KCNQ1OT1: variants seen among roughly 807,000 people sequenced by gnomAD.
The protein encoded by KCNQ1OT1 is KCNQ1 opposite strand/antisense transcript 1.
exon 1 of KCNQ1OT1, chr11:2,609,898 A>G (rs1848950373): frequency 2.5e-6 from 1 of 397,906 alleles, no homozygotes; most frequent in Admixed American, 4.4e-5. Flanking sequence ...TTCAGTTGGC[A>G]TTTATCATCT....
In KCNQ1OT1 at chr11:2,699,266, C is replaced by T. The variant is rs375478373; in HGVS notation, n.729G>A. The T allele has an allele frequency of 8.5e-5, 34 of 398,850 alleles. 1 individual carries two copies. Among genetic ancestry groups the T allele is most frequent in the African/African-American group, 5.1e-4 (25 of 48,772 alleles). The allele number at this position is 398,850 out of a possible 1,614,324, so 24.7% of individuals were successfully genotyped here. ...ATAAGGTGCAGATGGGAGCGCACTGCCCAGGCCAGGCTGCACTGCTGACGC... is the reference window on the plus strand; with the variant it reads ...ATAAGGTGCAGATGGGAGCGCACTGTCCAGGCCAGGCTGCACTGCTGACGC... On this transcript the variant is annotated non_coding_transcript_exon_variant, in exon 1 of 1. Transcript: ENST00000597346.
chr11:2,669,119 G>T lies in KCNQ1OT1; in HGVS notation n.30876C>A. ...CAGCTCACTGGCTACGTGTGGCTCT[G>T]TTTCTGGACCCTATTGGGTGCCACT... On this transcript the variant is annotated non_coding_transcript_exon_variant, in exon 1 of 1. Coordinates refer to ENST00000597346, the Ensembl canonical transcript of KCNQ1OT1. This position sits in a 1 kb window ranked among gnomAD's most constrained non-coding sequence, Gnocchi z 5.6. 4 of 398,708 alleles carry T rather than the reference G, an allele frequency of 1.0e-5. No individual in the cohort carries two copies. Among genetic ancestry groups the T allele is most frequent in the Non-Finnish European group, 1.8e-5 (4 of 226,126 alleles). The allele number at this position is 398,708 out of a possible 1,614,324, so 24.7% of individuals were successfully genotyped here.
At chr11:2,685,071 T>C (rs999086743) in exon 1 of KCNQ1OT1, 4 of 398,630 alleles carry the variant, frequency 1.0e-5, no homozygotes, top group Non-Finnish European at 1.8e-5. Flanking sequence ...GGACAGCCTG[T>C]GAGAATTACA....
chr11:2,624,517 C>T lies in KCNQ1OT1; in HGVS notation n.75478G>A, dbSNP rs1589988366. 1 of 398,420 alleles carries T rather than the reference C, an allele frequency of 2.5e-6. No homozygotes were observed. Among genetic ancestry groups the T allele is most frequent in the African/African-American group, 2.1e-5 (1 of 48,722 alleles). The allele number at this position is 398,420 out of a possible 1,614,324, so 24.7% of individuals were successfully genotyped here. A position where few individuals can be genotyped will look rare whatever the true frequency, so the allele number is the denominator to read the frequency against. On this transcript the variant is annotated non_coding_transcript_exon_variant, in exon 1 of 1. Coordinates refer to ENST00000597346, the Ensembl canonical transcript of KCNQ1OT1. The surrounding 1 kb of genome is among the most constrained non-coding windows in gnomAD (Gnocchi z 4.9). ...AACTAAAGATCATCTAGATTTCTTCCTATGTTATCTTCTGGGATTTCTATT... is the reference window on the plus strand; with the variant it reads ...AACTAAAGATCATCTAGATTTCTTCTTATGTTATCTTCTGGGATTTCTATT...
chr11:2,685,121 T>C (rs231354), exon 1 of KCNQ1OT1: 237,068 of 398,494 alleles, frequency 0.59, 74,783 homozygotes, highest in East Asian at 0.9. Context: ...GGGGGTCTGA[T>C]GGTCAGAGCT....
chr11:2,687,510 C>T lies in KCNQ1OT1; in HGVS notation n.12485G>A. ...ATCCCAGGCACCCTAGGACTTGAGA[C>T]CAGCCTCCTCTGTATGGTCCCTTCC... On this transcript the variant is annotated non_coding_transcript_exon_variant, in exon 1 of 1. Coordinates refer to ENST00000597346, the Ensembl canonical transcript of KCNQ1OT1. This position sits in a 1 kb window ranked among gnomAD's most constrained non-coding sequence, Gnocchi z 5.0. 2.5e-6 allele frequency: 1 copy of T among 398,728 alleles called. No individual in the cohort carries two copies. The highest frequency in any genetic ancestry group is 4.4e-6 in the Non-Finnish European group (1 of 226,180). 24.7% of individuals were successfully genotyped at this position (398,728 alleles called of 1,614,324 possible). A position where few individuals can be genotyped will look rare whatever the true frequency, so the allele number is the denominator to read the frequency against.
In KCNQ1OT1 at chr11:2,671,168, G is replaced by T. The variant is rs546011661; in HGVS notation, n.28827C>A. The stretch of plus-strand genomic sequence containing the variant: ...GCCTGAGGTGCCATCTTAGAAATAG[G>T]GCCTTGTTAGGAGAAAAGGAAAGAA... On this transcript the variant is annotated non_coding_transcript_exon_variant, in exon 1 of 1. Transcript: ENST00000597346. The surrounding 1 kb of genome is among the most constrained non-coding windows in gnomAD (Gnocchi z 4.7). 10 of 398,592 alleles carry T rather than the reference G, an allele frequency of 2.5e-5. No homozygotes were observed. In the South Asian group the frequency reaches 1.3e-3, roughly 51 times the overall value. The allele number at this position is 398,592 out of a possible 1,614,324, so 24.7% of individuals were successfully genotyped here. A position where few individuals can be genotyped will look rare whatever the true frequency, so the allele number is the denominator to read the frequency against.
rs1039614959 is a variant in KCNQ1OT1 at position 2,647,064 on chromosome 11, A to C, written n.52931T>G. 1.5e-5 allele frequency: 6 copies of C among 398,448 alleles called. No homozygotes were observed. Among genetic ancestry groups the C allele is most frequent in the Non-Finnish European group, 2.2e-5 (5 of 226,056 alleles). 24.7% of individuals were successfully genotyped at this position (398,448 alleles called of 1,614,324 possible). A position where few individuals can be genotyped will look rare whatever the true frequency, so the allele number is the denominator to read the frequency against. Reference sequence around the variant, plus strand: ...AAAGTGGGCATCCTTGTCTTGTTCTAGTTCTAAGAGAGAAGGTGTTTAGCT... The same window carrying C: ...AAAGTGGGCATCCTTGTCTTGTTCTCGTTCTAAGAGAGAAGGTGTTTAGCT... On this transcript the variant is annotated non_coding_transcript_exon_variant, in exon 1 of 1. Coordinates refer to ENST00000597346, the Ensembl canonical transcript of KCNQ1OT1. The surrounding 1 kb of genome is among the most constrained non-coding windows in gnomAD (Gnocchi z 4.0).
At chr11:2,643,707 G>A in exon 1 of KCNQ1OT1, 3 of 398,458 alleles carry the variant, frequency 7.5e-6, no homozygotes, top group Non-Finnish European at 1.3e-5. Flanking sequence ...TGATTATTTT[G>A]TGTGCTTTCA....
chr11:2,640,144 CT>C (rs1849549808), exon 1 of KCNQ1OT1: 1 of 354,110 alleles, frequency 2.8e-6, no homozygotes, highest in South Asian at 1.5e-4. Context: ...TCCCTGACCC[CT>C]TGTGCTTCCC....
At position 2,654,767 on chromosome 11, in the gene KCNQ1OT1, G is replaced by A. The variant is rs995689293; in HGVS notation, n.45228C>T. 7.5e-6 allele frequency: 3 copies of A among 398,686 alleles called. No individual in the cohort carries two copies. Among genetic ancestry groups the A allele is most frequent in the Non-Finnish European group, 1.3e-5 (3 of 226,174 alleles). The allele number at this position is 398,686 out of a possible 1,614,324, so 24.7% of individuals were successfully genotyped here. A position where few individuals can be genotyped will look rare whatever the true frequency, so the allele number is the denominator to read the frequency against. On this transcript the variant is annotated non_coding_transcript_exon_variant, in exon 1 of 1. Transcript: ENST00000597346. The surrounding 1 kb of genome is among the most constrained non-coding windows in gnomAD (Gnocchi z 6.4). ...GTCTGGGGCTCGATGAGAAGGCAGAGGAAGTGAGACCAGAATTTCTTGGGA... is the reference window on the plus strand; with the variant it reads ...GTCTGGGGCTCGATGAGAAGGCAGAAGAAGTGAGACCAGAATTTCTTGGGA...
Position 2,627,106 on chromosome 11 carries a change from T to C in KCNQ1OT1, n.72889A>G, listed in dbSNP as rs1280144193. ...ACTTTAATTTCTTTCAGCATTGTTT[T>C]GTAATTTTCATTGTACAAGACTTTC... On this transcript the variant is annotated non_coding_transcript_exon_variant, in exon 1 of 1. Coordinates refer to ENST00000597346, the Ensembl canonical transcript of KCNQ1OT1. The surrounding 1 kb of genome is among the most constrained non-coding windows in gnomAD (Gnocchi z 4.9). 2 of 398,494 alleles carry C rather than the reference T, an allele frequency of 5.0e-6. No individual in the cohort carries two copies. Among genetic ancestry groups the C allele is most frequent in the Non-Finnish European group, 8.8e-6 (2 of 226,058 alleles). The allele number at this position is 398,494 out of a possible 1,614,324, so 24.7% of individuals were successfully genotyped here.
At position 2,691,794 on chromosome 11, in the gene KCNQ1OT1, CAG is replaced by C. The variant is rs1350966331; in HGVS notation, n.8199_8200del. 1 of 398,686 alleles carries C rather than the reference CAG, an allele frequency of 2.5e-6. No individual in the cohort carries two copies. Among genetic ancestry groups the C allele is most frequent in the Non-Finnish European group, 4.4e-6 (1 of 226,130 alleles). The allele number at this position is 398,686 out of a possible 1,614,324, so 24.7% of individuals were successfully genotyped here. On this transcript the variant is annotated non_coding_transcript_exon_variant, in exon 1 of 1. Transcript: ENST00000597346. The surrounding 1 kb of genome is among the most constrained non-coding windows in gnomAD (Gnocchi z 6.4). The stretch of plus-strand genomic sequence containing the variant: ...CCAGTGGCCATCCACTGCCAGCAAT[CAG>C]AGAATCACAAGCACTGGATCCAATG...
exon 1 of KCNQ1OT1, chr11:2,662,113 C>T: frequency 6.2e-7 from 1 of 1,613,638 alleles, no homozygotes; most frequent in East Asian, 2.2e-5. Context: ...AAGGGCTGGG[C>T]TGGAGGGGAC....
chr11:2,615,444 A>G (rs1026760802), exon 1 of KCNQ1OT1: 12 of 397,954 alleles, frequency 3.0e-5, no homozygotes, highest in Admixed American at 4.4e-5. Context: ...ACATTGTTCA[A>G]TAGCACTGGG....
Position 2,661,237 on chromosome 11 carries a change from C to T in KCNQ1OT1, n.38758G>A. The T allele has an allele frequency of 2.5e-6, 1 of 399,072 alleles. No homozygotes were observed. Among genetic ancestry groups the T allele is most frequent in the Non-Finnish European group, 4.4e-6 (1 of 226,494 alleles). 24.7% of individuals were successfully genotyped at this position (399,072 alleles called of 1,614,324 possible). A position where few individuals can be genotyped will look rare whatever the true frequency, so the allele number is the denominator to read the frequency against. On this transcript the variant is annotated non_coding_transcript_exon_variant, in exon 1 of 1. Transcript: ENST00000597346. The surrounding 1 kb of genome is among the most constrained non-coding windows in gnomAD (Gnocchi z 5.9). ...CACTTCTCACAGATGAGTACTTAAT[C>T]CTTTTGCAATAAAATATTTAAATGA...
rs1483552909 is a variant in KCNQ1OT1 at position 2,652,622 on chromosome 11, G to GGA, written n.47371_47372dup. On this transcript the variant is annotated non_coding_transcript_exon_variant, in exon 1 of 1. Coordinates refer to ENST00000597346, the Ensembl canonical transcript of KCNQ1OT1. This position sits in a 1 kb window ranked among gnomAD's most constrained non-coding sequence, Gnocchi z 5.9. ...AACCTTCCCCTGAAAATGTGTCTTG[G>GGA]GAGACCTAGACAGTGACTTCCTGCA... 1 of 398,460 alleles carries GGA rather than the reference G, an allele frequency of 2.5e-6. No homozygotes were observed. The highest frequency in any genetic ancestry group is 4.4e-6 in the Non-Finnish European group (1 of 226,102). 24.7% of individuals were successfully genotyped at this position (398,460 alleles called of 1,614,324 possible).
chr11:2,681,345 TG>T (rs1850393287), exon 1 of KCNQ1OT1: 1 of 398,470 alleles, frequency 2.5e-6, no homozygotes, highest in East Asian at 3.6e-5. Context: ...GTCTTTTCCT[TG>T]TAGCTCCCTG....
At chr11:2,689,660 TGA>T (rs1850557065) in exon 1 of KCNQ1OT1, 2 of 398,560 alleles carry the variant, frequency 5.0e-6, no homozygotes, top group African/African-American at 4.1e-5. Flanking sequence ...ACAAGCCTCC[TGA>T]GAGGGCCAGG....
Sources: allele counts gnomAD v4.1 joint callset, GRCh38; gene constraint gnomAD v4.1.1; non-coding constraint Gnocchi (gnomAD v3.1); transcripts MANE v1.5; gene names NCBI Gene and HGNC (gene_info 2026-07-23, HGNC 2026-07-21).